Variants in CA10 observed in about 807,000 individuals in gnomAD.
CA10 encodes carbonic anhydrase-related protein 10.
Under a neutral mutation model 44.2 loss-of-function variants are expected in CA10, and 14 were observed. That is an observed-to-expected ratio of 0.32 (90% CI 0.21 to 0.50). The LOEUF (loss-of-function observed/expected upper bound fraction) is 0.50. CA10 is among the 20% of genes least tolerant of loss of function. CA10 has a pLI of 0.99. For synonymous variants in CA10, 159 were observed against 141.6 expected (o/e 1.12, Z -0.87); for missense variants, 350 against 409.7 (o/e 0.85, Z 1.26).
At chr17:51,801,942 C>A (rs912828645) in intron 3 of CA10, among the ~76,000 whole-genome samples, 2 of 152,164 alleles carry the variant, frequency 1.3e-5, no homozygotes, top group Admixed American at 6.6e-5. Flanking sequence ...TACTGATAGA[C>A]CCCAACTGAA....
At chr17:52,055,085 A>T (rs2143065515) in intron 2 of CA10, among the ~76,000 whole-genome samples, 1 of 152,228 alleles carries the variant, frequency 6.6e-6, no homozygotes, top group African/African-American at 2.4e-5. Flanking sequence ...TTTGAACTTC[A>T]GGAATAAAGA....
At chr17:51,896,950 C>T (rs1482046240) in intron 3 of CA10, among the ~76,000 whole-genome samples, 1 of 151,526 alleles carries the variant, frequency 6.6e-6, no homozygotes, top group African/African-American at 2.4e-5. Context: ...GTTTAAGTTG[C>T]TTGTAGATGC....
chr17:52,045,721 C>T (rs748504723), intron 2 of CA10, among the ~76,000 whole-genome samples: 5 of 151,898 alleles, frequency 3.3e-5, no homozygotes, highest in African/African-American at 7.2e-5. Context: ...AGTTAATGTA[C>T]GGAAGACTTG....
intron 3 of CA10, among the ~76,000 whole-genome samples, chr17:51,879,739 G>C (rs1980277801): frequency 6.6e-6 from 1 of 152,204 alleles, no homozygotes. Flanking sequence ...GAAACTGTGA[G>C]CATGAGGAGC....
chr17:51,694,327 G>C (rs1030864350), intron 4 of CA10, among the ~76,000 whole-genome samples: 1 of 151,672 alleles, frequency 6.6e-6, no homozygotes, highest in African/African-American at 2.4e-5. Flanking sequence ...GTTGTTTTTT[G>C]ACTTTTTAAT....
intron 1 of CA10, among the ~76,000 whole-genome samples, chr17:52,145,515 A>G (rs1989564444): frequency 1.3e-5 from 2 of 152,202 alleles, no homozygotes; most frequent in Non-Finnish European, 2.9e-5. Context: ...CTCTTGAGCA[A>G]ATCACCTAAT....
At chr17:51,762,236 T>A (rs1364007994) in intron 3 of CA10, 1 of 152,302 alleles carries the variant, frequency 6.6e-6, no homozygotes, top group African/African-American at 2.4e-5. Flanking sequence ...TGAGCTGCTG[T>A]ATTGGCTGTA....
chr17:51,991,184 T>C (rs917010476), intron 2 of CA10, among the ~76,000 whole-genome samples: 1 of 152,002 alleles, frequency 6.6e-6, no homozygotes, highest in African/African-American at 2.4e-5. Flanking sequence ...TAGTGCAGAG[T>C]CCAGCACCTG....
chr17:51,825,588 T>G (rs999122817), intron 3 of CA10, among the ~76,000 whole-genome samples: 2 of 152,216 alleles, frequency 1.3e-5, no homozygotes, highest in African/African-American at 2.4e-5. Flanking sequence ...ATTCCATCTT[T>G]TGAACCAGGA....
chr17:52,127,836 T>A (rs764046067), intron 1 of CA10, among the ~76,000 whole-genome samples: 1 of 152,236 alleles, frequency 6.6e-6, no homozygotes, highest in Non-Finnish European at 1.5e-5. Flanking sequence ...AGGCTAGATC[T>A]TTGATAACAG....
chr17:51,995,096 T>G (rs1171497667), intron 2 of CA10, among the ~76,000 whole-genome samples: 2 of 151,988 alleles, frequency 1.3e-5, no homozygotes, highest in Admixed American at 6.6e-5. Flanking sequence ...CAAATAGGCG[T>G]AGCCATATAA....
intron 2 of CA10, among the ~76,000 whole-genome samples, chr17:52,007,565 G>A (rs557566617): frequency 1.3e-5 from 2 of 151,530 alleles, no homozygotes; most frequent in African/African-American, 2.4e-5. Flanking sequence ...AGTGGCCTAT[G>A]GTCATATTCC....
intron 2 of CA10, among the ~76,000 whole-genome samples, chr17:52,011,922 G>A (rs1395723409): frequency 2.0e-5 from 3 of 152,034 alleles, no homozygotes; most frequent in African/African-American, 4.8e-5. Flanking sequence ...GAACACAGTT[G>A]TGTTTTAATG....
intron 2 of CA10, among the ~76,000 whole-genome samples, chr17:51,938,997 C>T (rs1982973705): frequency 6.6e-6 from 1 of 151,946 alleles, no homozygotes; most frequent in Admixed American, 6.6e-5. Context: ...TCAAATGATC[C>T]ACAGGTGTAT....
intron 3 of CA10, among the ~76,000 whole-genome samples, chr17:51,902,815 T>C (rs1981376083): frequency 6.6e-6 from 1 of 152,176 alleles, no homozygotes; most frequent in East Asian, 1.9e-4. Context: ...CAGAGAACTA[T>C]GAAAGTGTTA....
At chr17:51,712,720 C>T (rs1471046002) in intron 4 of CA10, among the ~76,000 whole-genome samples, 8 of 152,190 alleles carry the variant, frequency 5.3e-5, no homozygotes, top group African/African-American at 1.4e-4. Context: ...AGGCTCTGAA[C>T]TCTTCTTAAC....
chr17:51,821,993 T>A (rs181490337), intron 3 of CA10, among the ~76,000 whole-genome samples: 1 of 152,316 alleles, frequency 6.6e-6, no homozygotes, highest in East Asian at 1.9e-4. Context: ...TTGGCCCTGA[T>A]GACTTCCAGC....
chr17:51,990,464 G>C (rs114041089), intron 2 of CA10, among the ~76,000 whole-genome samples: 1,666 of 152,104 alleles, frequency 0.011, 26 homozygotes, highest in African/African-American at 0.038. Flanking sequence ...AACCTAACAG[G>C]TCTGAGTTTT....
At chr17:51,993,656 T>C (rs926180041) in intron 2 of CA10, among the ~76,000 whole-genome samples, 2 of 152,066 alleles carry the variant, frequency 1.3e-5, no homozygotes, top group Non-Finnish European at 2.9e-5. Context: ...TAACTCAAGG[T>C]CTTCCAAATC....
Sources: allele counts gnomAD v4.1 joint callset (sites outside exome capture counted in the v4.1 genomes callset), GRCh38; gene constraint gnomAD v4.1.1; transcripts MANE v1.5; gene names NCBI Gene and HGNC (gene_info 2026-07-23, HGNC 2026-07-21).